Variants in CSMD1 observed in about 807,000 individuals in gnomAD.
The protein encoded by CSMD1 is CUB and Sushi multiple domains 1.
Under a neutral mutation model 417.5 loss-of-function variants are expected in CSMD1, and 213 were observed. That is an observed-to-expected ratio of 0.51 (90% CI 0.46 to 0.57). CSMD1 has a LOEUF of 0.57. CSMD1 is among the 20% of genes least tolerant of loss of function. The pLI, the probability that CSMD1 is intolerant of heterozygous loss-of-function variation, is 0.00. For missense variants in CSMD1, 6,923 were observed against 4,529.7 expected (o/e 1.53, Z -15.17); for synonymous variants, 2,862 against 1,736.8 (o/e 1.65, Z -16.11).
intron 3 of CSMD1, among the ~76,000 whole-genome samples, chr8:4,094,132 G>GT (rs1314515183): frequency 6.6e-6 from 1 of 152,120 alleles, no homozygotes; most frequent in Non-Finnish European, 1.5e-5. Context: ...GCCTCCGTGT[G>GT]TGGGGGGGAT....
chr8:3,513,837 C>A (rs750305821), intron 10 of CSMD1, among the ~76,000 whole-genome samples: 1 of 152,076 alleles, frequency 6.6e-6, no homozygotes, highest in Non-Finnish European at 1.5e-5. Context: ...AACTGCATTG[C>A]AGATTTGGAG....
At chr8:3,392,280 G>A (rs1356560560) in intron 17 of CSMD1, among the ~76,000 whole-genome samples, 2 of 151,810 alleles carry the variant, frequency 1.3e-5, no homozygotes, top group African/African-American at 2.4e-5. Context: ...AATAAAAATT[G>A]GATGACATTT....
intron 5 of CSMD1, among the ~76,000 whole-genome samples, chr8:3,860,813 T>C (rs933884772): frequency 2.6e-5 from 4 of 152,328 alleles, no homozygotes; most frequent in East Asian, 3.9e-4. Context: ...AACCATAGTT[T>C]TCTGGTGAAC....
chr8:4,298,734 G>A (rs760165489), intron 3 of CSMD1, among the ~76,000 whole-genome samples: 9 of 151,990 alleles, frequency 5.9e-5, no homozygotes, highest in Non-Finnish European at 1.0e-4. Context: ...CCAACTAGAT[G>A]TTAAGAAATT....
At chr8:3,728,956 G>T (rs892355472) in intron 6 of CSMD1, among the ~76,000 whole-genome samples, 2 of 152,164 alleles carry the variant, frequency 1.3e-5, no homozygotes, top group Non-Finnish European at 2.9e-5. Flanking sequence ...AATGAGTGCC[G>T]TTCGAATATC....
intron 10 of CSMD1, among the ~76,000 whole-genome samples, chr8:3,533,963 G>A (rs549801671): frequency 5.9e-5 from 9 of 152,254 alleles, no homozygotes; most frequent in Admixed American, 5.9e-4. Flanking sequence ...GAGGGCACAT[G>A]AAACAAAATT....
intron 6 of CSMD1, among the ~76,000 whole-genome samples, chr8:3,745,850 G>T (rs1797041393): frequency 6.6e-6 from 1 of 152,188 alleles, no homozygotes; most frequent in African/African-American, 2.4e-5. Flanking sequence ...AATAATCTGT[G>T]GTTTCCCCAC....
chr8:3,499,558 C>T (rs1796507832), intron 10 of CSMD1, among the ~76,000 whole-genome samples: 1 of 152,048 alleles, frequency 6.6e-6, no homozygotes, highest in Non-Finnish European at 1.5e-5. Flanking sequence ...TGGTCTCCTG[C>T]AAGAGGCATA....
In CSMD1 at chr8:4,914,482, G is replaced by A. The variant is rs544101608; in HGVS notation, c.85+79850C>T. 1.1e-3 allele frequency among the ~76,000 whole-genome samples: 171 copies of A among 151,760 alleles called. 1 individual carries two copies. Among genetic ancestry groups the A allele is most frequent in the African/African-American group, 3.8e-3 (156 of 41,354 alleles). On this transcript the variant is annotated intron_variant, in intron 1 of 69. Coordinates refer to ENST00000635120, the MANE Select transcript of CSMD1 (RefSeq NM_033225.6). ...AGTCCCAGCTACTCGGGAGGCTGAGGCAGGAGAATGGCGTGAACCTGGGAT... is the reference window on the plus strand; with the variant it reads ...AGTCCCAGCTACTCGGGAGGCTGAGACAGGAGAATGGCGTGAACCTGGGAT...
chr8:4,077,618 C>G (rs931411865), intron 3 of CSMD1, among the ~76,000 whole-genome samples: 5 of 152,056 alleles, frequency 3.3e-5, no homozygotes, highest in African/African-American at 1.2e-4. Context: ...GCTGGTCATT[C>G]AAGGTCAGTA....
At chr8:4,962,371 T>G (rs549679889) in intron 1 of CSMD1, among the ~76,000 whole-genome samples, 11 of 152,130 alleles carry the variant, frequency 7.2e-5, no homozygotes, top group African/African-American at 2.7e-4. Flanking sequence ...CCATCTTGAC[T>G]GCTTAATTTT....
intron 5 of CSMD1, among the ~76,000 whole-genome samples, chr8:3,872,855 A>T (rs1235626121): frequency 6.6e-6 from 1 of 152,028 alleles, no homozygotes; most frequent in Non-Finnish European, 1.5e-5. Flanking sequence ...AAAAAAAGAA[A>T]GAAAAAAGAA....
At chr8:3,491,291 G>A (rs528691902) in intron 11 of CSMD1, among the ~76,000 whole-genome samples, 12 of 152,258 alleles carry the variant, frequency 7.9e-5, no homozygotes, top group African/African-American at 2.6e-4. Context: ...TTTGTGAACT[G>A]GGGTAAATCC....
At chr8:4,742,463 C>A (rs1810685241) in intron 1 of CSMD1, among the ~76,000 whole-genome samples, 1 of 152,026 alleles carries the variant, frequency 6.6e-6, no homozygotes, top group Non-Finnish European at 1.5e-5. Flanking sequence ...TTGGTGTTTA[C>A]TTTTAGTCAT....
chr8:3,485,538 C>CACACACAGAG (rs376214281), intron 11 of CSMD1, among the ~76,000 whole-genome samples: 1 of 134,920 alleles, frequency 7.4e-6, no homozygotes, highest in African/African-American at 2.9e-5. Flanking sequence ...CACACACACA[C>CACACACAGAG]AGAGAGAGAG....
intron 11 of CSMD1, among the ~76,000 whole-genome samples, chr8:3,490,733 T>C (rs1195621945): frequency 1.3e-5 from 2 of 152,174 alleles, no homozygotes; most frequent in African/African-American, 4.8e-5. Flanking sequence ...GGCCCCTTTC[T>C]ATCCACTGTA....
intron 3 of CSMD1, among the ~76,000 whole-genome samples, chr8:4,371,922 G>C (rs1294149931): frequency 6.6e-6 from 1 of 152,212 alleles, no homozygotes; most frequent in East Asian, 1.9e-4. Context: ...GATTTCACAA[G>C]AGTAATGATG....
intron 1 of CSMD1, among the ~76,000 whole-genome samples, chr8:4,884,761 T>G (rs1316699335): frequency 6.6e-6 from 1 of 152,080 alleles, no homozygotes; most frequent in African/African-American, 2.4e-5. Flanking sequence ...AACTCTGTCT[T>G]ATTGCGGTAG....
intron 3 of CSMD1, among the ~76,000 whole-genome samples, chr8:4,069,250 G>C (rs1238546011): frequency 6.6e-6 from 1 of 152,136 alleles, no homozygotes; most frequent in Non-Finnish European, 1.5e-5. Context: ...AAAAATTTTG[G>C]TAAAGATTAC....
Sources: allele counts gnomAD v4.1 joint callset (sites outside exome capture counted in the v4.1 genomes callset), GRCh38; gene constraint gnomAD v4.1.1; transcripts MANE v1.5; gene names NCBI Gene and HGNC (gene_info 2026-07-23, HGNC 2026-07-21).